PCDHA3: variants seen among roughly 807,000 people sequenced by gnomAD.
PCDHA3 encodes protocadherin alpha 3, also known as protocadherin alpha-3.
PCDHA3 carries 41 observed loss-of-function variants against 62.2 expected under a neutral mutation model. The ratio of observed to expected loss-of-function variants is 0.66; its 90% CI spans 0.51 to 0.86. The LOEUF is 0.86. Ranked by LOEUF, PCDHA3 falls within the 40% of genes least tolerant of loss-of-function variation. The pLI is 0.00. For missense variants in PCDHA3, 1,304 were observed against 1,241.2 expected, an observed-to-expected ratio of 1.05 and a Z score of -0.76; for synonymous variants, 640 against 555.4, an observed-to-expected ratio of 1.15 and a Z score of -2.14.
intron 1 of PCDHA3, chr5:140,868,190 A>G (rs1315604501): frequency 7.2e-5 from 11 of 152,160 alleles, no homozygotes; most frequent in African/African-American, 1.2e-4. Context: ...TTATGCTACT[A>G]TGGCTTACAT....
chr5:140,876,146 C>T, intron 1 of PCDHA3: 1 of 1,613,952 alleles, frequency 6.2e-7, no homozygotes, highest in Non-Finnish European at 8.5e-7. Context: ...CTAACAGGGT[C>T]TGTCCAGATT....
intron 1 of PCDHA3, chr5:140,808,757 G>T (rs781847203): frequency 1.9e-6 from 3 of 1,612,266 alleles, no homozygotes; most frequent in South Asian, 2.2e-5. Context: ...GCAGCCGCTG[G>T]ACCACGAGGA....
In PCDHA3 at chr5:141,010,127, T is replaced by A. The variant is rs1419190844; in HGVS notation, c.*190T>A. On this transcript the variant is annotated 3_prime_UTR_variant, in exon 4 of 4. Transcript: ENST00000522353. ...TTTGTCGTAAAAGCTTTACTAAGTC[T>A]GGTGTTAACTCTTTCTCTCCACTCT... The A allele has an allele frequency of 1.9e-6, 3 of 1,602,472 alleles. No individual in the cohort carries two copies. Among genetic ancestry groups the A allele is most frequent in the Non-Finnish European group, 2.6e-6 (3 of 1,173,756 alleles).
At chr5:140,981,049 T>C (rs2096916420) in intron 2 of PCDHA3, among the ~76,000 whole-genome samples, 1 of 152,158 alleles carries the variant, frequency 6.6e-6, no homozygotes. Context: ...AAACAGATAA[T>C]TCTAGAGTGT....
rs2150530845 is a variant in PCDHA3, at chr5:140,853,328, T to C, written c.2394+49737T>C. 4.5e-5 allele frequency: 44 copies of C among 984,766 alleles called. 1 individual carries two copies. The highest frequency in any genetic ancestry group is 5.0e-5 in the Non-Finnish European group (41 of 817,224). The allele number at this position is 984,766 out of a possible 1,614,324, so 61.0% of individuals were successfully genotyped here. On this transcript the variant is annotated intron_variant, in intron 1 of 3. Coordinates refer to ENST00000522353, the MANE Select transcript of PCDHA3 (RefSeq NM_018906.3). ...AACACCTTAGTAATAAATTTATCTT[T>C]TGAGGTCATTAGCAAACATGAACTC...
At chr5:140,979,067 A>C (rs1938790025) in intron 2 of PCDHA3, 60 bp downstream of exon 2, 1 of 1,601,882 alleles carries the variant, frequency 6.2e-7, no homozygotes, top group Non-Finnish European at 8.5e-7. Flanking sequence ...GCTCAGATAA[A>C]CTGCATCTCC....
At chr5:140,969,304 C>CA in intron 1 of PCDHA3, 3 of 1,614,160 alleles carry the variant, frequency 1.9e-6, no homozygotes, top group Non-Finnish European at 2.5e-6. Flanking sequence ...TGATTATTCT[C>CA]AAAAATGAGG....
intron 1 of PCDHA3, among the ~76,000 whole-genome samples, chr5:140,840,813 G>A (rs1465831729): frequency 6.6e-6 from 1 of 152,040 alleles, no homozygotes; most frequent in South Asian, 2.1e-4. Context: ...ATATACCAGT[G>A]TTTCTGGTGA....
intron 1 of PCDHA3, chr5:140,968,123 C>A: frequency 6.2e-7 from 1 of 1,614,178 alleles, no homozygotes; most frequent in Non-Finnish European, 8.5e-7. Context: ...CACATCCCTG[C>A]GTACACTGAA....
Position 140,882,752 on chromosome 5 carries a change from A to G in PCDHA3, c.2394+79161A>G, listed in dbSNP as rs1457424583. 4 of 1,614,130 alleles carry G rather than the reference A, an allele frequency of 2.5e-6. No individual in the cohort carries two copies. In the East Asian group the frequency reaches 8.9e-5, roughly 36 times the overall value. On this transcript the variant is annotated intron_variant, in intron 1 of 3. Coordinates refer to ENST00000522353, the MANE Select transcript of PCDHA3 (RefSeq NM_018906.3). Reference sequence around the variant, plus strand: ...ACTAGATGGCGCATCCGATGCAGATATTGGAGTAAACTCGGCATTGACCTA... The same window carrying G: ...ACTAGATGGCGCATCCGATGCAGATGTTGGAGTAAACTCGGCATTGACCTA...
rs782115498 is a variant in PCDHA3, at chr5:140,856,112, G to C, written c.2394+52521G>C. ...GCTGCTCTCGCTTCTTCTCCTCGCA[G>C]CCTGGGAGGTGGGGAGCGGCCAGCT... On this transcript the variant is annotated intron_variant, in intron 1 of 3. Coordinates refer to ENST00000522353, the MANE Select transcript of PCDHA3 (RefSeq NM_018906.3). The C allele has an allele frequency of 2.5e-6, 4 of 1,598,194 alleles. 1 individual carries two copies. The South Asian group carries it at 4.4e-5, about 18-fold the overall frequency.
intron 1 of PCDHA3, chr5:140,809,416 T>G: frequency 1.9e-6 from 3 of 1,614,080 alleles, no homozygotes; most frequent in Non-Finnish European, 2.5e-6. Context: ...TGTGCTCCAG[T>G]GCGGTGGGGA....
At chr5:140,823,440 G>A in intron 1 of PCDHA3, 1 of 1,613,368 alleles carries the variant, frequency 6.2e-7, no homozygotes, top group Non-Finnish European at 8.5e-7. Context: ...TGTTCGTGCT[G>A]GACGAGAACG....
At position 140,809,818 on chromosome 5, in the gene PCDHA3, T is replaced by G. The variant is rs548189609; in HGVS notation, c.2394+6227T>G. On this transcript the variant is annotated intron_variant, in intron 1 of 3. Transcript: ENST00000522353. Reference sequence around the variant, plus strand: ...TAATTTCTAGTAAATTTTCACTATATTCACCCTCTTTGTTTTTGGTAATAA... The same window carrying G: ...TAATTTCTAGTAAATTTTCACTATAGTCACCCTCTTTGTTTTTGGTAATAA... 7.8e-5 allele frequency: 31 copies of G among 395,844 alleles called. No homozygotes were observed. The East Asian group carries it at 1.3e-3, about 16-fold the overall frequency. The allele number at this position is 395,844 out of a possible 1,614,324, so 24.5% of individuals were successfully genotyped here.
At chr5:140,828,665 A>T in intron 1 of PCDHA3, 1 of 1,614,220 alleles carries the variant, frequency 6.2e-7, no homozygotes, top group East Asian at 2.2e-5. Flanking sequence ...CAATAAACAA[A>T]TTGGGCTCTT....
intron 1 of PCDHA3, chr5:140,812,099 T>C (rs1456552720): frequency 1.3e-5 from 2 of 152,060 alleles, no homozygotes; most frequent in African/African-American, 4.8e-5. Flanking sequence ...TTGATTCTTC[T>C]TTAAAAGTTT....
At position 140,818,149 on chromosome 5, in the gene PCDHA3, G is replaced by A. The variant is rs116573666; in HGVS notation, c.2394+14558G>A. Among the ~76,000 whole-genome samples, 733 of 152,078 alleles carry A rather than the reference G, an allele frequency of 4.8e-3. 10 individuals are homozygous for A. Among genetic ancestry groups the A allele is most frequent in the African/African-American group, 0.017 (703 of 41,472 alleles). ...GATTTAGCAGTATGCCTTCAAATAC[G>A]GCTTCTACTTCATATTTTCTCTTAT... On this transcript the variant is annotated intron_variant, in intron 1 of 3. Transcript: ENST00000522353.
intron 1 of PCDHA3, chr5:140,807,388 G>T (rs1554123918): frequency 6.7e-7 from 1 of 1,486,600 alleles, no homozygotes; most frequent in African/African-American, 1.5e-5. Flanking sequence ...TCCGGGTGGC[G>T]TCCAAGGGCC....
intron 1 of PCDHA3, chr5:140,850,513 G>C (rs782718204): frequency 2.5e-6 from 4 of 1,598,108 alleles, no homozygotes; most frequent in Non-Finnish European, 2.6e-6. Flanking sequence ...GTGGAGAGCG[G>C]CCAGGCGCCA....
Sources: allele counts gnomAD v4.1 joint callset (sites outside exome capture counted in the v4.1 genomes callset), GRCh38; gene constraint gnomAD v4.1.1; transcripts MANE v1.5; gene names NCBI Gene and HGNC (gene_info 2026-07-23, HGNC 2026-07-21).